CSTPP1: variants seen among roughly 807,000 people sequenced by gnomAD.
The protein encoded by CSTPP1 is UPF0705 protein C11orf49.
the CSTPP1 span, chr11:47,161,739 C>T: frequency 6.8e-7 from 1 of 1,468,226 alleles, no homozygotes; most frequent in Non-Finnish European, 9.0e-7. Flanking sequence ...GTGCTGCCCT[C>T]TGCTGCTGAC....
At chr11:46,960,154 A>G in the CSTPP1 span, among the ~76,000 whole-genome samples, 1 of 152,190 alleles carries the variant, frequency 6.6e-6, no homozygotes, top group Non-Finnish European at 1.5e-5. Flanking sequence ...GGCGTGAGCC[A>G]CTGCACTGGG....
the CSTPP1 span, among the ~76,000 whole-genome samples, chr11:47,038,634 A>AC: frequency 3.1e-5 from 3 of 97,104 alleles, no homozygotes; most frequent in East Asian, 5.7e-4. Context: ...CGGGGGTCTG[A>AC]CCCCCCCACC....
the CSTPP1 span, among the ~76,000 whole-genome samples, chr11:47,095,091 A>C: frequency 1.3e-5 from 2 of 152,206 alleles, no homozygotes; most frequent in African/African-American, 4.8e-5. Context: ...GAAATGGCCT[A>C]GCAATGGCAT....
At chr11:47,114,904 G>C in the CSTPP1 span, among the ~76,000 whole-genome samples, 1 of 152,160 alleles carries the variant, frequency 6.6e-6, no homozygotes, top group Non-Finnish European at 1.5e-5. Context: ...TCCTTGTCTT[G>C]TGCCGGTTTT....
the CSTPP1 span, among the ~76,000 whole-genome samples, chr11:46,955,998 C>G: frequency 7.0e-6 from 1 of 142,158 alleles, no homozygotes; most frequent in African/African-American, 2.7e-5. Context: ...CCCCCCCCCC[C>G]CACCAAAAAA....
chr11:46,994,083 G>C, the CSTPP1 span, among the ~76,000 whole-genome samples: 4 of 152,126 alleles, frequency 2.6e-5, no homozygotes, highest in African/African-American at 9.7e-5. Context: ...CAGTTTGTCT[G>C]TTATTGGTGT....
chr11:47,087,894 C>A, the CSTPP1 span, among the ~76,000 whole-genome samples: 1 of 152,134 alleles, frequency 6.6e-6, no homozygotes, highest in Non-Finnish European at 1.5e-5. Context: ...AGGTTGAAAT[C>A]AAGATTTTGA....
chr11:46,968,892 C>T, the CSTPP1 span, among the ~76,000 whole-genome samples: 1 of 151,980 alleles, frequency 6.6e-6, no homozygotes, highest in Admixed American at 6.6e-5. Flanking sequence ...GAGTGAGATT[C>T]TGTCTCAATA....
chr11:47,010,562 T>C, the CSTPP1 span, among the ~76,000 whole-genome samples: 2 of 152,328 alleles, frequency 1.3e-5, no homozygotes, highest in Admixed American at 1.3e-4. Context: ...CTGTGGATTT[T>C]GTGAGCCACT....
At chr11:46,990,286 C>T in the CSTPP1 span, among the ~76,000 whole-genome samples, 1 of 152,298 alleles carries the variant, frequency 6.6e-6, no homozygotes, top group Non-Finnish European at 1.5e-5. Context: ...TTCTCAGCAG[C>T]CTTGCCAGCA....
chr11:47,069,348 A>G, the CSTPP1 span, among the ~76,000 whole-genome samples: 371 of 152,348 alleles, frequency 2.4e-3, 1 homozygote, highest in African/African-American at 8.1e-3. Context: ...ATGAACATAT[A>G]CATTTTGTGT....
the CSTPP1 span, among the ~76,000 whole-genome samples, chr11:46,946,531 G>A: frequency 2.6e-5 from 4 of 152,166 alleles, no homozygotes; most frequent in Admixed American, 6.5e-5. Flanking sequence ...GGTGGCAGGC[G>A]CCTGTAGTCC....
chr11:46,955,659 A>G, the CSTPP1 span, among the ~76,000 whole-genome samples: 2 of 151,364 alleles, frequency 1.3e-5, no homozygotes, highest in Non-Finnish European at 2.9e-5. Context: ...CACTGCGCCC[A>G]GGCTACAGCA....
chr11:46,983,039 T>C, the CSTPP1 span, among the ~76,000 whole-genome samples: 3 of 152,340 alleles, frequency 2.0e-5, no homozygotes, highest in East Asian at 5.8e-4. Context: ...CCCATATTCT[T>C]AACCATTGCA....
chr11:47,014,422 G>A, the CSTPP1 span, among the ~76,000 whole-genome samples: 1 of 152,052 alleles, frequency 6.6e-6, no homozygotes, highest in Non-Finnish European at 1.5e-5. Context: ...AGAAAGCCTG[G>A]CGCGGTGGCT....
At chr11:47,011,683 A>C in the CSTPP1 span, among the ~76,000 whole-genome samples, 3 of 152,204 alleles carry the variant, frequency 2.0e-5, no homozygotes, top group African/African-American at 7.2e-5. Context: ...CTTTTTAAGA[A>C]TCTAACTTCA....
At chr11:46,941,216 TCTC>T in the CSTPP1 span, among the ~76,000 whole-genome samples, 1 of 152,240 alleles carries the variant, frequency 6.6e-6, no homozygotes, top group Non-Finnish European at 1.5e-5. Context: ...CTCACTGCCT[TCTC>T]CTGGTTCATC....
chr11:47,137,745 T>C, the CSTPP1 span: 21 of 1,611,428 alleles, frequency 1.3e-5, no homozygotes, highest in Non-Finnish European at 1.8e-5. Flanking sequence ...TCTCCTGGAC[T>C]CTTGAAACCA....
At chr11:47,157,151 C>G in the CSTPP1 span, 2 of 1,613,290 alleles carry the variant, frequency 1.2e-6, no homozygotes, top group Non-Finnish European at 1.7e-6. Flanking sequence ...GGCCGGCACG[C>G]TGGAGGGCGT....
Sources: gnomAD v4.1 joint callset for allele counts (sites outside exome capture counted in the v4.1 genomes callset) on GRCh38, gnomAD v4.1.1 for gene constraint, MANE v1.5 for transcripts, NCBI Gene and HGNC (gene_info 2026-07-23, HGNC 2026-07-21) for gene names.